Variants in AGBL4 observed in about 807,000 individuals in gnomAD.
The protein encoded by AGBL4 is AGBL carboxypeptidase 4.
In AGBL4, 58 loss-of-function variants were observed where a neutral mutation model predicts 66.4. The ratio of observed to expected loss-of-function variants is 0.87; its 90% CI spans 0.71 to 1.09. AGBL4 has a LOEUF of 1.09. Ranked by LOEUF, AGBL4 falls within the 50% of genes least tolerant of loss-of-function variation. AGBL4 has a pLI of 0.00. For missense variants in AGBL4, 579 were observed against 631.0 expected, an observed-to-expected ratio of 0.92 and a Z score of 0.88; for synonymous variants, 234 against 222.9, an observed-to-expected ratio of 1.05 and a Z score of -0.44.
chr1:48,895,781 A>G (rs925045265), intron 5 of AGBL4, among the ~76,000 whole-genome samples: 2 of 152,150 alleles, frequency 1.3e-5, no homozygotes, highest in African/African-American at 4.8e-5. Context: ...ATCCATTCTG[A>G]TCATTTAATT....
At chr1:48,868,749 C>T (rs1034205121) in intron 5 of AGBL4, among the ~76,000 whole-genome samples, 3 of 152,150 alleles carry the variant, frequency 2.0e-5, no homozygotes, top group African/African-American at 4.8e-5. Context: ...GCAGGGACCC[C>T]CTAAATGTCC....
chr1:49,208,077 T>C (rs1052625923), intron 4 of AGBL4, among the ~76,000 whole-genome samples: 1 of 152,106 alleles, frequency 6.6e-6, no homozygotes, highest in African/African-American at 2.4e-5. Context: ...ATGTATTATA[T>C]ATACATTTCA....
chr1:49,714,009 C>G lies in AGBL4; in HGVS notation c.158-16572G>C, dbSNP rs557171248. 7.9e-5 allele frequency among the ~76,000 whole-genome samples: 12 copies of G among 152,140 alleles called. No homozygotes were observed. In the South Asian group the frequency reaches 2.5e-3, roughly 31 times the overall value. ...AACACTCCTAACTGCACTCTCTAAA[C>G]ACTCTTCTAATTGCCAAATTAACTT... On this transcript the variant is annotated intron_variant, in intron 2 of 13. Transcript: ENST00000371839.
chr1:48,773,159 A>G (rs1233579746), intron 6 of AGBL4, among the ~76,000 whole-genome samples: 1 of 152,126 alleles, frequency 6.6e-6, no homozygotes, highest in Non-Finnish European at 1.5e-5. Context: ...AATTCAGCAC[A>G]CTCAAACAAC....
At chr1:48,964,579 C>A (rs1658268590) in intron 5 of AGBL4, among the ~76,000 whole-genome samples, 1 of 152,114 alleles carries the variant, frequency 6.6e-6, no homozygotes, top group African/African-American at 2.4e-5. Flanking sequence ...ATTTTTTATA[C>A]ATAGATATGA....
At chr1:49,193,176 T>C (rs1647155672) in intron 4 of AGBL4, among the ~76,000 whole-genome samples, 1 of 152,142 alleles carries the variant, frequency 6.6e-6, no homozygotes, top group Non-Finnish European at 1.5e-5. Flanking sequence ...TTCATAATGC[T>C]CTGTATTTTT....
intron 2 of AGBL4, among the ~76,000 whole-genome samples, chr1:49,752,299 AACTT>A (rs1403858777): frequency 1.3e-5 from 2 of 152,150 alleles, no homozygotes; most frequent in Non-Finnish European, 2.9e-5. Flanking sequence ...GGTTTCAAAT[AACTT>A]ACTTATTTCT....
chr1:48,841,520 T>C (rs1018871586), intron 6 of AGBL4, among the ~76,000 whole-genome samples: 1 of 151,508 alleles, frequency 6.6e-6, no homozygotes, highest in Non-Finnish European at 1.5e-5. Context: ...TCATTTCAAT[T>C]TAATCCTGAA....
intron 6 of AGBL4, among the ~76,000 whole-genome samples, chr1:48,683,430 G>T (rs1421030728): frequency 6.6e-6 from 1 of 152,204 alleles, no homozygotes; most frequent in African/African-American, 2.4e-5. Context: ...CCAGCCTTCT[G>T]CCACTCCACA....
rs1050976933 is a variant in AGBL4 at position 48,645,057 on chromosome 1, G to A, written c.839+8280C>T. ...AGCTGCTTGCAGGGACAGAGATGAG[G>A]AGCTGCCTCCACAGACATCTAGCCA... On this transcript the variant is annotated intron_variant, in intron 8 of 13. Coordinates refer to ENST00000371839, the MANE Select transcript of AGBL4 (RefSeq NM_032785.4). 2.6e-5 allele frequency among the ~76,000 whole-genome samples: 4 copies of A among 152,300 alleles called. No homozygotes were observed. In the South Asian group the frequency reaches 8.3e-4, roughly 32 times the overall value.
At chr1:48,536,828 A>G (rs1643979415) in intron 12 of AGBL4, among the ~76,000 whole-genome samples, 1 of 152,184 alleles carries the variant, frequency 6.6e-6, no homozygotes. Flanking sequence ...GCTTGCGACT[A>G]TACCACTGTG....
At chr1:48,780,959 A>C (rs929217323) in intron 6 of AGBL4, among the ~76,000 whole-genome samples, 1 of 152,236 alleles carries the variant, frequency 6.6e-6, no homozygotes, top group African/African-American at 2.4e-5. Context: ...GCTTCTGCAT[A>C]GTCTGTTCCC....
chr1:49,018,664 G>T (rs945151733), intron 5 of AGBL4, among the ~76,000 whole-genome samples: 1 of 151,994 alleles, frequency 6.6e-6, no homozygotes, highest in African/African-American at 2.4e-5. Context: ...TACCCCTTTG[G>T]TGGCTCTATC....
rs531527226 is a variant in AGBL4, at chr1:49,498,846, T to C, written c.282+198467A>G. 3.3e-5 allele frequency among the ~76,000 whole-genome samples: 5 copies of C among 152,184 alleles called. No individual in the cohort carries two copies. The East Asian group carries it at 7.7e-4, about 24-fold the overall frequency. ...CCTTCATTCAGTTAATGTGGTATTG[T>C]TGTACATCACGTTTATACATTTAAA... On this transcript the variant is annotated intron_variant, in intron 3 of 13. Coordinates refer to ENST00000371839, the MANE Select transcript of AGBL4 (RefSeq NM_032785.4).
intron 4 of AGBL4, among the ~76,000 whole-genome samples, chr1:49,160,046 C>T (rs868035562): frequency 6.6e-6 from 1 of 152,122 alleles, no homozygotes; most frequent in Middle Eastern, 3.2e-3. Context: ...TATTACACAC[C>T]TTCAAAGTGT....
At chr1:49,207,431 CCTTT>C (rs889564003) in intron 4 of AGBL4, among the ~76,000 whole-genome samples, 14 of 143,788 alleles carry the variant, frequency 9.7e-5, no homozygotes, top group East Asian at 6.5e-4. Flanking sequence ...CTGAGTATCT[CCTTT>C]CTTTCTTTTT....
Position 49,524,604 on chromosome 1 carries a change from G to T in AGBL4, c.282+172709C>A, listed in dbSNP as rs529635534. Among the ~76,000 whole-genome samples the T allele has an allele frequency of 1.3e-4, 20 of 152,100 alleles. 2 individuals are homozygous for T. The South Asian group carries it at 4.2e-3, about 32-fold the overall frequency. On this transcript the variant is annotated intron_variant, in intron 3 of 13. Coordinates refer to ENST00000371839, the MANE Select transcript of AGBL4 (RefSeq NM_032785.4). ...GGGCCTTAAATAAGGAGTCCACATG[G>T]TCACTACAGTTATGCAGAACTTTTT...
At chr1:49,636,509 T>C (rs1297746052) in intron 3 of AGBL4, among the ~76,000 whole-genome samples, 10 of 152,126 alleles carry the variant, frequency 6.6e-5, no homozygotes, top group Non-Finnish European at 1.0e-4. Flanking sequence ...CAGTCCATAG[T>C]AGTGAAATAG....
chr1:49,979,290 T>C (rs575779372), intron 1 of AGBL4, among the ~76,000 whole-genome samples: 1 of 149,070 alleles, frequency 6.7e-6, no homozygotes, highest in East Asian at 2.0e-4. Context: ...TGAAACCCCG[T>C]CTCTACTAAA....
Sources: gnomAD v4.1 joint callset for allele counts (sites outside exome capture counted in the v4.1 genomes callset) on GRCh38, gnomAD v4.1.1 for gene constraint, MANE v1.5 for transcripts, NCBI Gene and HGNC (gene_info 2026-07-23, HGNC 2026-07-21) for gene names.